The following CHCHD3 variants were observed in gnomAD, a reference collection of about 807,000 sequenced individuals.
The protein encoded by CHCHD3 is coiled-coil-helix-coiled-coil-helix domain containing 3, also known as MICOS complex subunit MIC19.
In CHCHD3, 20 loss-of-function variants were observed where a neutral mutation model predicts 38.2. That is an observed-to-expected ratio of 0.52 (90% CI 0.37 to 0.76). CHCHD3 has a LOEUF of 0.76. CHCHD3 is among the 30% of genes least tolerant of loss of function. The probability of loss-of-function intolerance (pLI) is 0.00; values close to 1 mark genes in which losing one functional copy is unlikely to be tolerated. For missense variants in CHCHD3, 245 were observed against 279.2 expected, an observed-to-expected ratio of 0.88 and a Z score of 0.87; for synonymous variants, 82 against 100.0, an observed-to-expected ratio of 0.82 and a Z score of 1.07.
intron 5 of CHCHD3, among the ~76,000 whole-genome samples, chr7:132,859,703 T>C (rs914081047): frequency 6.6e-6 from 1 of 152,198 alleles, no homozygotes; most frequent in South Asian, 2.1e-4. Context: ...TCCTTCCCCT[T>C]CAGTCCCTGT....
chr7:132,967,666 T>TAAATAAATAAAA (rs1554395367), intron 4 of CHCHD3, among the ~76,000 whole-genome samples: 62 of 135,040 alleles, frequency 4.6e-4, no homozygotes, highest in African/African-American at 1.7e-3. Context: ...AATAAATAAA[T>TAAATAAATAAAA]AAAATAAAAC....
At chr7:133,018,759 T>C (rs1353558162) in intron 3 of CHCHD3, among the ~76,000 whole-genome samples, 1 of 151,878 alleles carries the variant, frequency 6.6e-6, no homozygotes, top group Non-Finnish European at 1.5e-5. Flanking sequence ...AATATAGAAC[T>C]GCACCTTCTA....
intron 7 of CHCHD3, among the ~76,000 whole-genome samples, chr7:132,794,050 G>A (rs560310774): frequency 5.3e-4 from 81 of 152,286 alleles, no homozygotes; most frequent in African/African-American, 1.6e-3. Context: ...CCACTGTGGC[G>A]TGATCTTAAA....
chr7:133,000,188 T>G (rs943009635), intron 3 of CHCHD3, among the ~76,000 whole-genome samples: 1 of 152,168 alleles, frequency 6.6e-6, no homozygotes, highest in Non-Finnish European at 1.5e-5. Context: ...ACCAGAGTCA[T>G]TGAGAGTCAA....
intron 6 of CHCHD3, among the ~76,000 whole-genome samples, chr7:132,805,426 G>A (rs181543608): frequency 1.7e-4 from 26 of 152,200 alleles, no homozygotes; most frequent in Non-Finnish European, 3.4e-4. Flanking sequence ...GCGTTTGAGA[G>A]GATCTAGGTG....
At chr7:132,859,596 C>G (rs1332237810) in intron 5 of CHCHD3, among the ~76,000 whole-genome samples, 1 of 152,196 alleles carries the variant, frequency 6.6e-6, no homozygotes, top group Non-Finnish European at 1.5e-5. Context: ...GTAGAAGACG[C>G]TCTTAATAAT....
chr7:133,039,898 G>T (rs1225564132), intron 2 of CHCHD3, among the ~76,000 whole-genome samples: 1 of 152,164 alleles, frequency 6.6e-6, no homozygotes, highest in Non-Finnish European at 1.5e-5. Flanking sequence ...CATCCCCCAT[G>T]ACACAGGCTC....
chr7:133,047,208 C>T (rs563938155), intron 2 of CHCHD3, among the ~76,000 whole-genome samples: 35 of 152,076 alleles, frequency 2.3e-4, no homozygotes, highest in Middle Eastern at 3.4e-3. Context: ...AAGAATTTAA[C>T]CCAAAAAATG....
chr7:133,081,684 G>A (rs1468139158), intron 1 of CHCHD3, among the ~76,000 whole-genome samples, 173 bp downstream of exon 1: 2 of 152,222 alleles, frequency 1.3e-5, no homozygotes, highest in Non-Finnish European at 2.9e-5. Flanking sequence ...AACTATCTCT[G>A]AATGAATGTC....
intron 2 of CHCHD3, among the ~76,000 whole-genome samples, chr7:133,025,365 G>A (rs928911498): frequency 6.6e-6 from 1 of 152,188 alleles, no homozygotes; most frequent in Non-Finnish European, 1.5e-5. Flanking sequence ...ACGTCTTTAA[G>A]AGGCTTCCAC....
chr7:133,045,862 C>G (rs1813967970), intron 2 of CHCHD3, among the ~76,000 whole-genome samples: 1 of 152,074 alleles, frequency 6.6e-6, no homozygotes, highest in Non-Finnish European at 1.5e-5. Flanking sequence ...GCTGCCCCTC[C>G]TCCTCCTCCA....
At chr7:132,821,158 TC>T (rs1391749561) in intron 6 of CHCHD3, among the ~76,000 whole-genome samples, 5 of 152,150 alleles carry the variant, frequency 3.3e-5, no homozygotes, top group African/African-American at 1.2e-4. Context: ...ATGATGAGCA[TC>T]AATTAAAAAA....
At chr7:132,894,933 C>T (rs1262519493) in intron 4 of CHCHD3, among the ~76,000 whole-genome samples, 8 of 152,104 alleles carry the variant, frequency 5.3e-5, no homozygotes, top group Non-Finnish European at 7.4e-5. Context: ...ATTAGAAGCT[C>T]AAAAAGTAGG....
Position 133,024,574 on chromosome 7 carries a change from C to T in CHCHD3, c.223G>A (p.Ala75Thr). ...RVAEELALEQ[A>T]KKESEDQKRL... The stretch of plus-strand genomic sequence containing the variant: ...TTCTGATCTTCGGATTCTTTCTTGG[C>T]TTGCTCCAATGCCAGCTCCTCAGCT... Residue 75 changes from alanine to threonine, a missense_variant, in exon 3 of 8, where the codon GCC becomes ACC. Physicochemically the swap from Ala to Thr is moderately conservative, Grantham distance 58 (BLOSUM62 0). Transcript: ENST00000262570. 3 of 1,613,838 alleles carry T rather than the reference C, an allele frequency of 1.9e-6. No homozygotes were observed. Among genetic ancestry groups the T allele is most frequent in the Non-Finnish European group, 2.5e-6 (3 of 1,179,772 alleles).
At chr7:132,858,125 C>T (rs772335363) in intron 5 of CHCHD3, among the ~76,000 whole-genome samples, 2 of 152,006 alleles carry the variant, frequency 1.3e-5, no homozygotes, top group African/African-American at 4.8e-5. Flanking sequence ...TGCAGTGGTA[C>T]GATCTCAGCT....
chr7:132,883,034 C>T (rs563543161), intron 5 of CHCHD3, among the ~76,000 whole-genome samples: 33 of 135,946 alleles, frequency 2.4e-4, no homozygotes, highest in South Asian at 1.9e-3. Flanking sequence ...TTCCCCTGCA[C>T]GCTCTCTCTC....
intron 6 of CHCHD3, among the ~76,000 whole-genome samples, chr7:132,807,084 G>C (rs187940829): frequency 3.6e-4 from 55 of 152,308 alleles, no homozygotes; most frequent in African/African-American, 1.3e-3. Flanking sequence ...GATAGCAAGA[G>C]GGATTCTGGT....
At chr7:132,920,509 T>C (rs939428097) in intron 4 of CHCHD3, among the ~76,000 whole-genome samples, 2 of 152,202 alleles carry the variant, frequency 1.3e-5, no homozygotes, top group Non-Finnish European at 2.9e-5. Context: ...TTAAATACAC[T>C]ATTCATTCGC....
intron 4 of CHCHD3, among the ~76,000 whole-genome samples, chr7:132,902,658 G>A (rs191474029): frequency 3.3e-5 from 5 of 152,046 alleles, no homozygotes; most frequent in African/African-American, 7.2e-5. Context: ...TCACACACCC[G>A]GGCCTGTTGT....
Sources: allele counts gnomAD v4.1 joint callset (sites outside exome capture counted in the v4.1 genomes callset), GRCh38; gene constraint gnomAD v4.1.1; transcripts MANE v1.5; gene names NCBI Gene and HGNC (gene_info 2026-07-23, HGNC 2026-07-21).